Variants in TRHDE observed in about 807,000 individuals in gnomAD.
TRHDE encodes the protein thyrotropin-releasing hormone-degrading ectoenzyme.
In TRHDE, 72 loss-of-function variants were observed where a neutral mutation model predicts 125.7. The observed-to-expected ratio is 0.57, with a 90% CI of 0.47 to 0.70. TRHDE has a LOEUF of 0.70. TRHDE is among the 30% of genes least tolerant of loss of function. The pLI, the probability that TRHDE is intolerant of heterozygous loss-of-function variation, is 0.00. For synonymous variants in TRHDE, 509 were observed against 509.1 expected, an observed-to-expected ratio of 1.00 and a Z score of 0.00; for missense variants, 1,110 against 1,327.1, an observed-to-expected ratio of 0.84 and a Z score of 2.54.
chr12:72,469,052 G>T (rs1876518237), intron 3 of TRHDE, among the ~76,000 whole-genome samples: 1 of 152,156 alleles, frequency 6.6e-6, no homozygotes, highest in Non-Finnish European at 1.5e-5. Flanking sequence ...GATATTTGGA[G>T]CTGGAAGGCA....
chr12:72,543,661 T>G (rs1404047762), intron 7 of TRHDE, among the ~76,000 whole-genome samples: 3 of 151,382 alleles, frequency 2.0e-5, no homozygotes, highest in Non-Finnish European at 3.0e-5. Context: ...TGAATTTGAT[T>G]TCTTCATAGC....
chr12:72,096,237 C>T (rs1439306618), intron 1 of TRHDE, among the ~76,000 whole-genome samples: 2 of 151,634 alleles, frequency 1.3e-5, no homozygotes, highest in Non-Finnish European at 2.9e-5. Flanking sequence ...TTTCTCTAAT[C>T]CAGCATTTGG....
intron 3 of TRHDE, among the ~76,000 whole-genome samples, chr12:72,421,911 C>A (rs939047462): frequency 2.0e-5 from 3 of 151,996 alleles, no homozygotes; most frequent in Admixed American, 2.0e-4. Flanking sequence ...ACTCATATAT[C>A]CTATTAAATA....
intron 3 of TRHDE, among the ~76,000 whole-genome samples, chr12:72,458,411 A>G (rs1875968093): frequency 6.6e-6 from 1 of 151,960 alleles, no homozygotes; most frequent in South Asian, 2.1e-4. Context: ...TCTTGTCAGT[A>G]TGCTTTGTGG....
chr12:72,614,330 A>ATATATATTTTT (rs531067163), intron 12 of TRHDE, among the ~76,000 whole-genome samples: 73 of 129,840 alleles, frequency 5.6e-4, no homozygotes, highest in African/African-American at 1.2e-3. Flanking sequence ...ATATATATAT[A>ATATATATTTTT]TTTTTTTTTT....
chr12:72,542,384 T>C, intron 7 of TRHDE, 28 bp downstream of exon 7: 1 of 1,579,034 alleles, frequency 6.3e-7, no homozygotes, highest in South Asian at 1.1e-5. Flanking sequence ...TATTTTCTTT[T>C]ACATTTTTCC....
intron 5 of TRHDE, among the ~76,000 whole-genome samples, chr12:72,478,939 A>AC (rs1412931696): frequency 6.6e-6 from 1 of 150,752 alleles, no homozygotes; most frequent in Non-Finnish European, 1.5e-5. Context: ...AAAAAAAAAA[A>AC]AACAAAAACA....
intron 15 of TRHDE, among the ~76,000 whole-genome samples, chr12:72,631,630 G>A (rs1342180954): frequency 1.3e-5 from 2 of 151,182 alleles, no homozygotes; most frequent in East Asian, 1.9e-4. Flanking sequence ...AAAAAGTACA[G>A]CATTTTTTAA....
intron 3 of TRHDE, among the ~76,000 whole-genome samples, chr12:72,409,638 A>G (rs1218115557): frequency 1.3e-5 from 2 of 152,210 alleles, no homozygotes; most frequent in African/African-American, 4.8e-5. Flanking sequence ...ATGTGACAGA[A>G]ATAAACCTTT....
intron 2 of TRHDE, among the ~76,000 whole-genome samples, chr12:72,329,911 AG>A (rs1869507297): frequency 1.3e-5 from 2 of 152,128 alleles, no homozygotes; most frequent in Admixed American, 1.3e-4. Context: ...GTGGAGGGAA[AG>A]CACCAAGAGA....
chr12:72,237,730 C>T (rs534403328), intron 2 of TRHDE, among the ~76,000 whole-genome samples: 4 of 152,232 alleles, frequency 2.6e-5, no homozygotes, highest in South Asian at 2.1e-4. Flanking sequence ...CCTAGCCATG[C>T]GGAACTGTGG....
At position 72,436,283 on chromosome 12, in the gene TRHDE, G is replaced by A. The variant is rs547253408; in HGVS notation, c.1316-33475G>A. Among the ~76,000 whole-genome samples the A allele has an allele frequency of 1.4e-4, 21 of 151,928 alleles. No homozygotes were observed. The East Asian group carries it at 3.9e-3, about 28-fold the overall frequency. On this transcript the variant is annotated intron_variant, in intron 3 of 18. Coordinates refer to ENST00000261180, the MANE Select transcript of TRHDE (RefSeq NM_013381.3). ...AATTTATAGACTTAATTAACATGTC[G>A]TGGTTTTTTCCAGGTCATTAATAAA...
At chr12:72,604,663 TG>T (rs1872356951) in intron 12 of TRHDE, among the ~76,000 whole-genome samples, 1 of 152,038 alleles carries the variant, frequency 6.6e-6, no homozygotes, top group South Asian at 2.1e-4. Context: ...CACTTTATTT[TG>T]CACTCACATT....
chr12:72,486,918 C>T (rs531901995), intron 5 of TRHDE, among the ~76,000 whole-genome samples: 474 of 151,924 alleles, frequency 3.1e-3, no homozygotes, highest in Non-Finnish European at 5.8e-3. Flanking sequence ...ATCAGGAAAG[C>T]AATTCATTAT....
intron 2 of TRHDE, among the ~76,000 whole-genome samples, chr12:72,127,577 A>G (rs544105511): frequency 1.3e-5 from 2 of 152,170 alleles, no homozygotes; most frequent in Non-Finnish European, 2.9e-5. Context: ...GCAAATTAAC[A>G]CAGAAACAGA....
At chr12:72,465,586 G>A (rs1429497277) in intron 3 of TRHDE, among the ~76,000 whole-genome samples, 1 of 152,030 alleles carries the variant, frequency 6.6e-6, no homozygotes, top group Admixed American at 6.6e-5. Context: ...TTGTTGCATG[G>A]ATATACCATA....
chr12:72,170,493 A>G (rs1326833950), intron 2 of TRHDE, among the ~76,000 whole-genome samples: 1 of 152,152 alleles, frequency 6.6e-6, no homozygotes, highest in Non-Finnish European at 1.5e-5. Flanking sequence ...GAATCTTTTT[A>G]ATACTGATAT....
chr12:72,097,918 A>G (rs1874971709), intron 1 of TRHDE, among the ~76,000 whole-genome samples: 1 of 152,240 alleles, frequency 6.6e-6, no homozygotes, highest in Non-Finnish European at 1.5e-5. Context: ...TAGACAGTCA[A>G]AAAATACTCA....
chr12:72,469,822 G>A lies in TRHDE; in HGVS notation c.1380G>A (p.Val460=), dbSNP rs760180879. 2.5e-6 allele frequency: 4 copies of A among 1,613,724 alleles called. No individual in the cohort carries two copies. In the South Asian group the frequency reaches 4.4e-5, roughly 18 times the overall value. Residue 460 remains valine (V), a synonymous_variant, in exon 4 of 19, where the codon GTG becomes GTA. Coordinates refer to ENST00000261180, the MANE Select transcript of TRHDE (RefSeq NM_013381.3). ...AMENWGLSIF[V]EQRILLDPSV... Reference sequence around the variant, plus strand: ...AGAACTGGGGACTAAGTATTTTTGTGGAACAAAGAATACTGCTGGATCCCA... The same window carrying A: ...AGAACTGGGGACTAAGTATTTTTGTAGAACAAAGAATACTGCTGGATCCCA...
Sources: allele counts gnomAD v4.1 joint callset (sites outside exome capture counted in the v4.1 genomes callset), GRCh38; gene constraint gnomAD v4.1.1; transcripts MANE v1.5; gene names NCBI Gene and HGNC (gene_info 2026-07-23, HGNC 2026-07-21).